The following PRSS48 variants were observed in gnomAD, a reference collection of about 807,000 sequenced individuals.
The protein encoded by PRSS48 is epidermis-specific serine protease-like protein.
Under a neutral mutation model 25.6 loss-of-function variants are expected in PRSS48, and 21 were observed. The observed-to-expected ratio is 0.82, with a 90% CI of 0.58 to 1.18. PRSS48 has a LOEUF of 1.18. Ranked by LOEUF, PRSS48 falls within the 50% of genes most tolerant of loss-of-function variation. PRSS48 has a pLI of 0.00. For missense variants in PRSS48, 373 were observed against 399.3 expected, an observed-to-expected ratio of 0.93 and a Z score of 0.56; for synonymous variants, 150 against 149.3, an observed-to-expected ratio of 1.00 and a Z score of -0.04.
At chr4:151,283,120 G>C (rs1774406346) in exon 4 of PRSS48, 2 of 1,613,648 alleles carry the variant, frequency 1.2e-6, no homozygotes, top group South Asian at 1.1e-5. Flanking sequence ...TCCACAGATA[G>C]AGATTACCAT....
chr4:151,285,224 G>A (rs531752708), intron 4 of PRSS48, among the ~76,000 whole-genome samples: 1 of 152,212 alleles, frequency 6.6e-6, no homozygotes, highest in South Asian at 2.1e-4. Context: ...ACTGTTACCC[G>A]AAGCAGAGTT....
chr4:151,286,186 A>C (rs903738375), intron 4 of PRSS48, among the ~76,000 whole-genome samples: 4 of 66,388 alleles, frequency 6.0e-5, no homozygotes, highest in Non-Finnish European at 1.4e-4. Context: ...GTCTTAAAGA[A>C]AAAAAAAAAA....
chr4:151,279,794 A>C lies in PRSS48; in HGVS notation c.53-2A>C. On this transcript the variant is annotated splice_acceptor_variant, in intron 1 of 4. Coordinates refer to ENST00000455694, the Ensembl canonical transcript of PRSS48. LOFTEE classifies it high-confidence loss of function. Reference sequence around the variant, plus strand: ...ACATTTCCCTTTCTTCTCTTTCTCTAGTGTGTGGGCAACCTGTATACTCCA... The same window carrying C: ...ACATTTCCCTTTCTTCTCTTTCTCTCGTGTGTGGGCAACCTGTATACTCCA... The C allele has an allele frequency of 6.2e-7, 1 of 1,613,676 alleles. No homozygotes were observed. Among genetic ancestry groups the C allele is most frequent in the Non-Finnish European group, 8.5e-7 (1 of 1,179,708 alleles).
chr4:151,284,906 G>C (rs533553988), intron 4 of PRSS48, among the ~76,000 whole-genome samples: 1 of 152,290 alleles, frequency 6.6e-6, no homozygotes, highest in Non-Finnish European at 1.5e-5. Flanking sequence ...TTTGAGCAGA[G>C]TTTATATGCA....
At chr4:151,277,361 C>CTA in intron 1 of PRSS48, 137 bp downstream of exon 1, 1 of 529,986 alleles carries the variant, frequency 1.9e-6, no homozygotes, top group Non-Finnish European at 3.0e-6. Context: ...TGAGAGGCTA[C>CTA]TATATACCCA....
At chr4:151,286,964 A>C (rs1216598230) in intron 4 of PRSS48, among the ~76,000 whole-genome samples, 1 of 146,594 alleles carries the variant, frequency 6.8e-6, no homozygotes. Flanking sequence ...TGGGTGACAG[A>C]GTGAGATTCT....
chr4:151,282,117 C>A lies in PRSS48; in HGVS notation c.216-31C>A, dbSNP rs770556647. 64 of 1,609,804 alleles carry A rather than the reference C, an allele frequency of 4.0e-5. 1 individual carries two copies. The South Asian group carries it at 6.9e-4, about 17-fold the overall frequency. ...AGCCTGTTCTGACCCAGCTGCAGGC[C>A]ATAAGCAGGCCTCCTTTCTTTTCCC... On this transcript the variant is annotated intron_variant, in intron 2 of 4. Coordinates refer to ENST00000455694, the Ensembl canonical transcript of PRSS48.
chr4:151,284,682 T>A (rs1299307981), intron 4 of PRSS48, among the ~76,000 whole-genome samples: 1 of 152,200 alleles, frequency 6.6e-6, no homozygotes, highest in Non-Finnish European at 1.5e-5. Flanking sequence ...TTGGAATATA[T>A]CCTGGACAAT....
chr4:151,277,353 A>C (rs150532925), intron 1 of PRSS48, 129 bp downstream of exon 1: 57 of 592,080 alleles, frequency 9.6e-5, no homozygotes, highest in African/African-American at 8.7e-4. Context: ...GAAGGTCCTG[A>C]GAGGCTACTA....
chr4:151,282,282 T>C lies in PRSS48; in HGVS notation c.350T>C (p.Leu117Ser), dbSNP rs764049091. ...CAAGATACAACGGCAGACGTCGCCT[T>C]GTTGAAACTGTCCTCTCAAGTCACC... The change falls in exon 3 of 5, where the codon TTG becomes TCG. Residue 117 changes from leucine (L) to serine (S), a missense_variant. Transcript: ENST00000455694. 195 of 1,613,868 alleles carry C rather than the reference T, an allele frequency of 1.2e-4. No homozygotes were observed. The highest frequency in any genetic ancestry group is 1.5e-4 in the Non-Finnish European group (176 of 1,179,900).
chr4:151,283,886 A>C (rs1774490366), intron 4 of PRSS48, among the ~76,000 whole-genome samples: 1 of 152,152 alleles, frequency 6.6e-6, no homozygotes, highest in Admixed American at 6.5e-5. Flanking sequence ...CTCTATACCT[A>C]AAAGATGTCG....
rs1774037293 is a variant in PRSS48, at chr4:151,279,973, G to A, written c.215+15G>A. 7.1e-7 allele frequency: 1 copy of A among 1,413,708 alleles called. No homozygotes were observed. The highest frequency in any genetic ancestry group is 1.3e-5 in the South Asian group (1 of 76,644). 87.6% of individuals were successfully genotyped at this position (1,413,708 alleles called of 1,614,324 possible). A position where few individuals can be genotyped will look rare whatever the true frequency, so the allele number is the denominator to read the frequency against. ...TGCATACAACCGTGAGTTCTAGCTG[G>A]CAGCTAACACACAGACAGGTTCTCA... On this transcript the variant is annotated intron_variant, in intron 2 of 4. Transcript: ENST00000455694.
Position 151,279,972 on chromosome 4 carries a change from G to A in PRSS48, c.215+14G>A. The A allele has an allele frequency of 2.8e-6, 4 of 1,427,512 alleles. No individual in the cohort carries two copies. The highest frequency in any genetic ancestry group is 3.7e-6 in the Non-Finnish European group (4 of 1,067,390). The allele number at this position is 1,427,512 out of a possible 1,614,324, so 88.4% of individuals were successfully genotyped here. On this transcript the variant is annotated intron_variant, in intron 2 of 4. Transcript: ENST00000455694. ...CTGCATACAACCGTGAGTTCTAGCTGGCAGCTAACACACAGACAGGTTCTC... is the reference window on the plus strand; with the variant it reads ...CTGCATACAACCGTGAGTTCTAGCTAGCAGCTAACACACAGACAGGTTCTC...
At chr4:151,280,817 A>C (rs1283385769) in intron 2 of PRSS48, among the ~76,000 whole-genome samples, 3 of 152,124 alleles carry the variant, frequency 2.0e-5, no homozygotes, top group Non-Finnish European at 4.4e-5. Flanking sequence ...TTAAAAAAAA[A>C]CTCAAAGAAA....
intron 4 of PRSS48, among the ~76,000 whole-genome samples, chr4:151,284,969 A>G (rs1441536222): frequency 6.6e-6 from 1 of 152,150 alleles, no homozygotes; most frequent in Non-Finnish European, 1.5e-5. Context: ...ATTTCCCTGC[A>G]CTTTCCAACT....
exon 2 of PRSS48, chr4:151,279,938 A>C: frequency 4.3e-6 from 7 of 1,613,532 alleles, no homozygotes; most frequent in Non-Finnish European, 5.9e-6. Flanking sequence ...TGATACTGAC[A>C]GCAGCACACT....
At chr4:151,288,089 A>C (rs563822229) in intron 4 of PRSS48, among the ~76,000 whole-genome samples, 61 of 152,286 alleles carry the variant, frequency 4.0e-4, no homozygotes, top group Middle Eastern at 3.4e-3. Flanking sequence ...ACGTTAAAAA[A>C]AAAACAAAAC....
At chr4:151,279,901 G>A (rs36097019) in exon 2 of PRSS48, 679,804 of 1,613,304 alleles carry the variant, frequency 0.42, 146,765 homozygotes, top group Admixed American at 0.48. Flanking sequence ...AACTTTATCT[G>A]TGGAGGTTCC....
chr4:151,289,908 C>T (rs143582162), intron 4 of PRSS48, among the ~76,000 whole-genome samples: 40 of 152,266 alleles, frequency 2.6e-4, no homozygotes, highest in Middle Eastern at 3.4e-3. Context: ...AGGGAGACCC[C>T]ATCTCTAAAT....
Sources: gnomAD v4.1 joint callset for allele counts (sites outside exome capture counted in the v4.1 genomes callset) on GRCh38, gnomAD v4.1.1 for gene constraint, MANE v1.5 for transcripts, NCBI Gene and HGNC (gene_info 2026-07-23, HGNC 2026-07-21) for gene names.